Variants in GRIN2B observed in about 807,000 individuals in gnomAD.
GRIN2B encodes the protein glutamate receptor ionotropic, NMDA 2B.
Under a neutral mutation model 114.5 loss-of-function variants are expected in GRIN2B, and 5 were observed. The ratio of observed to expected loss-of-function variants is 0.04; its 90% CI spans 0.02 to 0.09. GRIN2B has a LOEUF of 0.09. Ranked by LOEUF, GRIN2B falls within the 10% of genes least tolerant of loss-of-function variation. The probability of loss-of-function intolerance (pLI) is 1.00; values close to 1 mark genes in which losing one functional copy is unlikely to be tolerated. For synonymous variants in GRIN2B, 787 were observed against 745.1 expected (o/e 1.06, Z -0.92); for missense variants, 1,108 against 1,943.5 (o/e 0.57, Z 8.08).
At chr12:13,718,847 G>GA (rs1209454618) in intron 4 of GRIN2B, among the ~76,000 whole-genome samples, 2 of 152,086 alleles carry the variant, frequency 1.3e-5, no homozygotes, top group African/African-American at 4.8e-5. Context: ...TAGAAACACA[G>GA]AGAAGATATG....
chr12:13,884,867 T>G (rs923724497), intron 2 of GRIN2B, among the ~76,000 whole-genome samples: 3 of 152,194 alleles, frequency 2.0e-5, no homozygotes, highest in Middle Eastern at 3.2e-3. Context: ...TTCTTTCCAC[T>G]CTTGCTTCAA....
chr12:13,681,165 T>C (rs1019010232), intron 4 of GRIN2B, among the ~76,000 whole-genome samples: 1 of 152,162 alleles, frequency 6.6e-6, no homozygotes, highest in Admixed American at 6.5e-5. Flanking sequence ...AGAACTACAG[T>C]ACTTACTTTA....
rs373399836 is a variant in GRIN2B, at chr12:13,974,467, G to C, written c.-19+5461C>G. 2.6e-5 allele frequency among the ~76,000 whole-genome samples: 4 copies of C among 152,192 alleles called. No homozygotes were observed. In the East Asian group the frequency reaches 5.8e-4, roughly 22 times the overall value. On this transcript the variant is annotated intron_variant, in intron 2 of 13. Transcript: ENST00000609686. ...CTAATCAAAGAAGCAGCAAATTCCT[G>C]TGTTGTTCTTTTCCTTGAGTTAAGG...
chr12:13,954,266 G>A (rs907015919), intron 2 of GRIN2B, among the ~76,000 whole-genome samples: 6 of 152,242 alleles, frequency 3.9e-5, no homozygotes, highest in African/African-American at 4.8e-5. Flanking sequence ...ACAAACAAAC[G>A]TAATTTGCTA....
In GRIN2B at chr12:13,790,676, G is replaced by C. The variant is rs1025304428; in HGVS notation, c.412-36761C>G. 2.0e-5 allele frequency among the ~76,000 whole-genome samples: 3 copies of C among 152,264 alleles called. No individual in the cohort carries two copies. In the South Asian group the frequency reaches 6.2e-4, roughly 32 times the overall value. Reference sequence around the variant, plus strand: ...TTCTTTTCTTTCAGTTGGTTTGAAGGGGCATGGTCACTGTTCATTGGTGCT... The same window carrying C: ...TTCTTTTCTTTCAGTTGGTTTGAAGCGGCATGGTCACTGTTCATTGGTGCT... On this transcript the variant is annotated intron_variant, in intron 3 of 13. Transcript: ENST00000609686.
chr12:13,940,180 G>C (rs1867214444), intron 2 of GRIN2B, among the ~76,000 whole-genome samples: 1 of 152,036 alleles, frequency 6.6e-6, no homozygotes, highest in Admixed American at 6.6e-5. Flanking sequence ...CCTGCCTTTT[G>C]AGTCTGTTCC....
At chr12:13,903,995 T>C (rs1240285946) in intron 2 of GRIN2B, among the ~76,000 whole-genome samples, 1 of 152,050 alleles carries the variant, frequency 6.6e-6, no homozygotes, top group Non-Finnish European at 1.5e-5. Context: ...ATTAGTGTTA[T>C]TTTGACTAAT....
rs1948282363 is a variant in GRIN2B at position 13,541,731 on chromosome 12, CAGT to C, written c.*21049_*21051del. On this transcript the variant is annotated 3_prime_UTR_variant, in exon 14 of 14. Transcript: ENST00000609686. ...GACAGAGAGGCTGAACCAGCAGCAG[CAGT>C]AGTTGTGATCTCATTCACACCCTGT... The C allele has an allele frequency of 6.6e-6, 1 of 152,182 alleles. No individual in the cohort carries two copies. The highest frequency in any genetic ancestry group is 1.5e-5 in the Non-Finnish European group (1 of 68,038). 9.4% of individuals were successfully genotyped at this position (152,182 alleles called of 1,614,324 possible).
chr12:13,546,451 G>A lies in GRIN2B; in HGVS notation c.*16332C>T, dbSNP rs1296042801. ...CTCACAGGGAATGACAAATCTCTGA[G>A]GGAATACACCAGAGCATCTGGATGT... is the stretch of plus-strand genomic sequence containing the variant. On this transcript the variant is annotated 3_prime_UTR_variant, in exon 14 of 14. Transcript: ENST00000609686. The A allele has an allele frequency of 6.6e-6, 1 of 152,202 alleles. No homozygotes were observed. The highest frequency in any genetic ancestry group is 6.5e-5 in the Admixed American group (1 of 15,282). The allele number at this position is 152,202 out of a possible 1,614,324, so 9.4% of individuals were successfully genotyped here. A position where few individuals can be genotyped will look rare whatever the true frequency, so the allele number is the denominator to read the frequency against.
At chr12:13,589,643 C>A (rs1271280596) in intron 10 of GRIN2B, among the ~76,000 whole-genome samples, 3 of 152,200 alleles carry the variant, frequency 2.0e-5, no homozygotes, top group Non-Finnish European at 4.4e-5. Context: ...GACTGAAAAG[C>A]AATGAAACTG....
chr12:13,854,734 C>G (rs1471277971), intron 3 of GRIN2B, among the ~76,000 whole-genome samples: 2 of 152,066 alleles, frequency 1.3e-5, no homozygotes, highest in African/African-American at 4.8e-5. Flanking sequence ...AACTGCATGT[C>G]CAATGACCAC....
intron 3 of GRIN2B, among the ~76,000 whole-genome samples, chr12:13,817,974 G>GT (rs941801659): frequency 2.0e-4 from 30 of 152,138 alleles, no homozygotes; most frequent in African/African-American, 4.1e-4. Context: ...AATTGTTATC[G>GT]TTTTTTTGTT....
intron 3 of GRIN2B, among the ~76,000 whole-genome samples, chr12:13,843,022 TTTTATTA>T (rs1865408177): frequency 9.4e-6 from 1 of 106,836 alleles, no homozygotes; most frequent in South Asian, 3.4e-4. Context: ...TTTTAAAATT[TTTTATTA>T]TTTATTTATT....
intron 5 of GRIN2B, among the ~76,000 whole-genome samples, chr12:13,652,649 A>G (rs1207211195): frequency 6.6e-6 from 1 of 152,166 alleles, no homozygotes; most frequent in East Asian, 1.9e-4. Flanking sequence ...AGCAAGACAC[A>G]CCAATGGGCA....
At chr12:13,570,366 T>C (rs1026051475) in intron 11 of GRIN2B, among the ~76,000 whole-genome samples, 6 of 152,134 alleles carry the variant, frequency 3.9e-5, no homozygotes, top group Admixed American at 3.9e-4. Context: ...GAGCAACAAA[T>C]AGCATGGGGT....
intron 4 of GRIN2B, among the ~76,000 whole-genome samples, chr12:13,686,841 T>C (rs976173441): frequency 1.3e-5 from 2 of 152,170 alleles, no homozygotes; most frequent in African/African-American, 4.8e-5. Flanking sequence ...CCAAACCTCA[T>C]GTTGAAATTT....
intron 3 of GRIN2B, among the ~76,000 whole-genome samples, chr12:13,855,049 G>GAAAAAAGAAAAAAAAAA (rs1865635677): frequency 1.1e-5 from 1 of 88,028 alleles, no homozygotes; most frequent in Non-Finnish European, 2.2e-5. Flanking sequence ...CATCTCTACT[G>GAAAAAAGAAAAAAAAAA]AAAAAAAAAA....
chr12:13,636,823 G>A, intron 5 of GRIN2B, among the ~76,000 whole-genome samples: 1 of 152,264 alleles, frequency 6.6e-6, no homozygotes, highest in South Asian at 2.1e-4. Flanking sequence ...CTGAATCTCA[G>A]CTTCATCCTC....
chr12:13,937,859 C>A (rs371648982), intron 2 of GRIN2B, among the ~76,000 whole-genome samples: 2 of 151,908 alleles, frequency 1.3e-5, no homozygotes, highest in Non-Finnish European at 2.9e-5. Flanking sequence ...TATCCTCCTG[C>A]GAAGTTATTA....
Sources: gnomAD v4.1 joint callset for allele counts (sites outside exome capture counted in the v4.1 genomes callset) on GRCh38, gnomAD v4.1.1 for gene constraint, MANE v1.5 for transcripts, NCBI Gene and HGNC (gene_info 2026-07-23, HGNC 2026-07-21) for gene names.